BPIFB4: variants seen among roughly 807,000 people sequenced by gnomAD.
BPIFB4 encodes the protein BPI fold-containing family B member 4.
BPIFB4 carries 62 observed loss-of-function variants against 69.2 expected under a neutral mutation model. That is an observed-to-expected ratio of 0.90 (90% confidence interval 0.73 to 1.11). The LOEUF is 1.11. Ranked by LOEUF, BPIFB4 falls within the 50% of genes least tolerant of loss-of-function variation. The probability of loss-of-function intolerance (pLI) is 0.00; values close to 1 mark genes in which losing one functional copy is unlikely to be tolerated. For missense variants in BPIFB4, 789 were observed against 792.0 expected, an observed-to-expected ratio of 1.00 and a Z score of 0.04; for synonymous variants, 330 against 332.7, an observed-to-expected ratio of 0.99 and a Z score of 0.09.
At chr20:33,086,250 A>G (rs1981426497) in intron 7 of BPIFB4, 86 bp downstream of exon 7, 2 of 1,514,014 alleles carry the variant, frequency 1.3e-6, no homozygotes, top group Non-Finnish European at 1.8e-6. Flanking sequence ...CCACCTGCCC[A>G]TAGGCTCTGG....
rs1441171448 is a variant in BPIFB4 at position 33,089,563 on chromosome 20, G to A, written c.1051+5G>A. Reference sequence around the variant, plus strand: ...ACCAGCTGGGCCTCGTGGATTGTAAGTCCAATACACTTTCTCCAGCCTGGG... The same window carrying A: ...ACCAGCTGGGCCTCGTGGATTGTAAATCCAATACACTTTCTCCAGCCTGGG... On this transcript the variant is annotated splice_donor_5th_base_variant and intron_variant, in intron 9 of 17. Transcript: ENST00000375483. 3.7e-6 allele frequency: 6 copies of A among 1,614,252 alleles called. No individual in the cohort carries two copies. The highest frequency in any genetic ancestry group is 1.7e-5 in the Admixed American group (1 of 60,028).
In BPIFB4 at chr20:33,097,757, C is replaced by G. The variant is rs1455716809; in HGVS notation, c.1539C>G (p.Asp513Glu). The G allele has an allele frequency of 6.2e-7, 1 of 1,613,972 alleles. No individual in the cohort carries two copies. The highest frequency in any genetic ancestry group is 8.5e-7 in the Non-Finnish European group (1 of 1,179,966). Residue 513 changes from aspartate (D) to glutamate (E), a missense_variant, in exon 13 of 18, where the codon GAC becomes GAG. Physicochemically the swap from Asp to Glu is conservative, Grantham distance 45. Coordinates refer to ENST00000375483, the MANE Select transcript of BPIFB4 (RefSeq NM_182519.3). Reference sequence around the variant, plus strand: ...AGGTCATGGTCTCCCAGCCCAAAGACCTGGAGACTACCATCTGCCTCATTG... The same window carrying G: ...AGGTCATGGTCTCCCAGCCCAAAGAGCTGGAGACTACCATCTGCCTCATTG... The part of the protein sequence containing the change: ...TAEVMVSQPK[D>E]LETTICLIDV...
At chr20:33,100,091 C>A (rs112885007) in intron 13 of BPIFB4, among the ~76,000 whole-genome samples, 2 of 152,172 alleles carry the variant, frequency 1.3e-5, no homozygotes, top group Non-Finnish European at 2.9e-5. Flanking sequence ...CTGGTAAACA[C>A]CCTCTATAAA....
intron 1 of BPIFB4, among the ~76,000 whole-genome samples, chr20:33,080,197 G>A (rs990914262): frequency 1.3e-5 from 2 of 150,306 alleles, no homozygotes; most frequent in East Asian, 2.0e-4. Context: ...ATTTGGGGGC[G>A]CTGTGAAGTC....
At chr20:33,110,533 T>C (rs867676829) in intron 17 of BPIFB4, among the ~76,000 whole-genome samples, 5 of 152,320 alleles carry the variant, frequency 3.3e-5, no homozygotes, top group Middle Eastern at 3.4e-3. Flanking sequence ...AAATATCCTG[T>C]TTCTCGTTAG....
intron 11 of BPIFB4, among the ~76,000 whole-genome samples, chr20:33,094,653 T>A (rs183401946): frequency 2.6e-5 from 4 of 152,114 alleles, no homozygotes; most frequent in African/African-American, 9.7e-5. Flanking sequence ...ATTACAGGCA[T>A]GTGCCATCAT....
intron 12 of BPIFB4, 77 bp downstream of exon 12, chr20:33,095,230 A>G (rs1049289581): frequency 1.4e-6 from 2 of 1,458,534 alleles, no homozygotes; most frequent in Admixed American, 1.7e-5. Context: ...GGAAGGGAAG[A>G]TGCTCAGCGC....
At chr20:33,080,146 C>T (rs982431946) in intron 1 of BPIFB4, among the ~76,000 whole-genome samples, 1 of 152,076 alleles carries the variant, frequency 6.6e-6, no homozygotes, top group South Asian at 2.1e-4. Context: ...TAAATGAATG[C>T]CTCTAATATT....
At chr20:33,111,373 C>T (rs766210970) in intron 17 of BPIFB4, 41 bp from the exon 18 acceptor site, 3 of 1,613,492 alleles carry the variant, frequency 1.9e-6, no homozygotes, top group Non-Finnish European at 2.5e-6. Flanking sequence ...CTAGCCAGAG[C>T]CACCCCACCC....
rs1600552091 is a variant in BPIFB4, at chr20:33,083,368, T to G, written c.171T>G (p.Gly57=). 1.2e-6 allele frequency: 2 copies of G among 1,611,282 alleles called. No individual in the cohort carries two copies. The highest frequency in any genetic ancestry group is 1.7e-6 in the Non-Finnish European group (2 of 1,178,390). ...LHSALREVPL[G]VGDIPYNDFH... ...ACAGACGCATTGAATTCCCCCGAGGTGTTGGTGATATTCCCTACAATGACT... is the reference window on the plus strand; with the variant it reads ...ACAGACGCATTGAATTCCCCCGAGGGGTTGGTGATATTCCCTACAATGACT... Residue 57 remains glycine (G), a splice_region_variant and synonymous_variant, in exon 5 of 18, where the codon GGT becomes GGG. Coordinates refer to ENST00000375483, the MANE Select transcript of BPIFB4 (RefSeq NM_182519.3).
intron 16 of BPIFB4, among the ~76,000 whole-genome samples, chr20:33,106,771 C>T (rs1356481498): frequency 6.6e-6 from 1 of 152,048 alleles, no homozygotes; most frequent in African/African-American, 2.4e-5. Flanking sequence ...AGCCTTGAGT[C>T]GTTTGGGGTC....
intron 11 of BPIFB4, among the ~76,000 whole-genome samples, chr20:33,093,921 C>T (rs1175254272): frequency 6.6e-6 from 1 of 152,242 alleles, no homozygotes; most frequent in Non-Finnish European, 1.5e-5. Context: ...ATCAATCTAT[C>T]TGTCTGATCT....
At chr20:33,106,390 T>TTTTTTTG (rs1982057530) in intron 16 of BPIFB4, among the ~76,000 whole-genome samples, 1 of 149,938 alleles carries the variant, frequency 6.7e-6, no homozygotes. Flanking sequence ...TTTTTTTTTT[T>TTTTTTTG]GAGATGGAGT....
chr20:33,089,792 T>G (rs1166442963), intron 9 of BPIFB4, among the ~76,000 whole-genome samples: 3 of 151,884 alleles, frequency 2.0e-5, no homozygotes, highest in Non-Finnish European at 4.4e-5. Flanking sequence ...GTCTGGGAAG[T>G]GATGGCTCTG....
At chr20:33,106,247 C>T (rs1982050391) in intron 16 of BPIFB4, among the ~76,000 whole-genome samples, 1 of 152,200 alleles carries the variant, frequency 6.6e-6, no homozygotes, top group Non-Finnish European at 1.5e-5. Flanking sequence ...ACAAACAGCA[C>T]ATCCCACGGC....
At chr20:33,093,283 C>A (rs1377709629) in intron 11 of BPIFB4, among the ~76,000 whole-genome samples, 2 of 151,776 alleles carry the variant, frequency 1.3e-5, no homozygotes, top group Non-Finnish European at 2.9e-5. Context: ...ATACATCCAT[C>A]TATTTATTTA....
At chr20:33,104,485 A>G (rs930228146) in intron 15 of BPIFB4, among the ~76,000 whole-genome samples, 7 of 152,180 alleles carry the variant, frequency 4.6e-5, no homozygotes, top group Non-Finnish European at 8.8e-5. Context: ...TGACAGTGCC[A>G]TCGGGGCCAG....
At chr20:33,097,017 C>G (rs984758881) in intron 12 of BPIFB4, among the ~76,000 whole-genome samples, 4 of 152,320 alleles carry the variant, frequency 2.6e-5, no homozygotes, top group Non-Finnish European at 5.9e-5. Flanking sequence ...CAAACAAGCT[C>G]AAGTCCCTCC....
Position 33,095,962 on chromosome 20 carries a change from T to C in BPIFB4, c.1398+809T>C, listed in dbSNP as rs537696922. ...ACCTGGAAGCAAAGGGCTCTGTACC[T>C]AGTAAGTGTTATGCAGGTGTGAATG... is the stretch of plus-strand genomic sequence containing the variant. On this transcript the variant is annotated intron_variant, in intron 12 of 17. Coordinates refer to ENST00000375483, the MANE Select transcript of BPIFB4 (RefSeq NM_182519.3). 3.3e-5 allele frequency among the ~76,000 whole-genome samples: 5 copies of C among 152,294 alleles called. No individual in the cohort carries two copies. The South Asian group carries it at 1.0e-3, about 32-fold the overall frequency.
Sources: allele counts gnomAD v4.1 joint callset (sites outside exome capture counted in the v4.1 genomes callset), GRCh38; gene constraint gnomAD v4.1.1; transcripts MANE v1.5; gene names NCBI Gene and HGNC (gene_info 2026-07-23, HGNC 2026-07-21).